SIDT1: variants seen among roughly 807,000 people sequenced by gnomAD.
SIDT1 encodes the protein SID1 transmembrane family, member 1.
In SIDT1, 101 loss-of-function variants were observed where a neutral mutation model predicts 107.5. The observed-to-expected ratio is 0.94, with a 90% CI of 0.80 to 1.11. The LOEUF (loss-of-function observed/expected upper bound fraction) is 1.11, where lower values mean the gene tolerates loss of function less well. SIDT1 is among the 50% of genes least tolerant of loss of function. The pLI, the probability that SIDT1 is intolerant of heterozygous loss-of-function variation, is 0.00. For missense variants in SIDT1, 1,076 were observed against 1,058.2 expected, an observed-to-expected ratio of 1.02 and a Z score of -0.23; for synonymous variants, 395 against 398.2, an observed-to-expected ratio of 0.99 and a Z score of 0.10.
intron 10 of SIDT1, among the ~76,000 whole-genome samples, chr3:113,595,600 A>G (rs558009095): frequency 8.1e-4 from 122 of 151,404 alleles, no homozygotes; most frequent in African/African-American, 2.8e-3. Context: ...AAGCCTCCAG[A>G]CATTGCCAAA....
At chr3:113,586,917 A>ACAACCAAAGACAATACCTGATCT (rs1943783500) in intron 9 of SIDT1, among the ~76,000 whole-genome samples, 2 of 152,256 alleles carry the variant, frequency 1.3e-5, no homozygotes, top group Non-Finnish European at 2.9e-5. Flanking sequence ...AAGATATGTT[A>ACAACCAAAGACAATACCTGATCT]CAACCAAAGA....
At chr3:113,601,527 T>G (rs1944958395) in intron 10 of SIDT1, 61 bp from the exon 11 acceptor site, 1 of 1,105,682 alleles carries the variant, frequency 9.0e-7, no homozygotes, top group Non-Finnish European at 1.4e-6. Context: ...CTACTTAGAA[T>G]AGTGTTGTTT....
chr3:113,583,296 G>A, intron 6 of SIDT1, 113 bp from the exon 7 acceptor site: 1 of 634,588 alleles, frequency 1.6e-6, no homozygotes, highest in Non-Finnish European at 2.7e-6. Context: ...AGAGGGCAGG[G>A]GTGAACTTTA....
In SIDT1 at chr3:113,627,770, A is replaced by G; in HGVS notation, c.*62A>G. On this transcript the variant is annotated 3_prime_UTR_variant, in exon 25 of 25. Transcript: ENST00000264852. Reference sequence around the variant, plus strand: ...CTTGGTGCTGTTTCACAAAAATTACAGTGACCACAGCAAAGTAACCACTGC... The same window carrying G: ...CTTGGTGCTGTTTCACAAAAATTACGGTGACCACAGCAAAGTAACCACTGC... 2 of 1,496,222 alleles carry G rather than the reference A, an allele frequency of 1.3e-6. No individual in the cohort carries two copies. The highest frequency in any genetic ancestry group is 1.9e-6 in the Non-Finnish European group (2 of 1,074,846). 92.7% of individuals were successfully genotyped at this position (1,496,222 alleles called of 1,614,324 possible).
chr3:113,583,609 C>T (rs1943527391), intron 7 of SIDT1, 113 bp downstream of exon 7: 1 of 651,550 alleles, frequency 1.5e-6, no homozygotes, highest in Admixed American at 2.8e-5. Context: ...GTTCCATCAT[C>T]ATGATGGGAA....
intron 1 of SIDT1, among the ~76,000 whole-genome samples, chr3:113,551,727 G>A (rs1178049309): frequency 6.6e-6 from 1 of 151,962 alleles, no homozygotes; most frequent in Non-Finnish European, 1.5e-5. Context: ...AAACTATAAA[G>A]TTGTCAAATT....
the SIDT1 span, among the ~76,000 whole-genome samples, chr3:113,636,130 C>A: frequency 1.3e-5 from 2 of 152,056 alleles, no homozygotes; most frequent in Admixed American, 6.6e-5. Flanking sequence ...GTGGGCCAGG[C>A]ACAGTGGCTT....
intron 18 of SIDT1, among the ~76,000 whole-genome samples, chr3:113,611,453 T>C (rs973552708): frequency 2.6e-5 from 4 of 152,152 alleles, no homozygotes; most frequent in African/African-American, 9.7e-5. Flanking sequence ...TGCCTCAGCC[T>C]CCTGAGTAGC....
chr3:113,563,556 C>T (rs548606061), intron 1 of SIDT1, among the ~76,000 whole-genome samples: 1 of 152,124 alleles, frequency 6.6e-6, no homozygotes, highest in Admixed American at 6.5e-5. Flanking sequence ...AATGACACTG[C>T]GGGGTGCAAT....
intron 23 of SIDT1, 129 bp from the exon 24 acceptor site, chr3:113,625,973 G>T (rs1946821757): frequency 1.4e-6 from 1 of 704,188 alleles, no homozygotes; most frequent in East Asian, 2.5e-5. Context: ...TGTGTGGATG[G>T]ATGTTTTCTT....
chr3:113,633,365 G>A (rs536475397), downstream of SIDT1, among the ~76,000 whole-genome samples: 1 of 152,286 alleles, frequency 6.6e-6, no homozygotes, highest in Non-Finnish European at 1.5e-5. Flanking sequence ...TCAAAGGCTA[G>A]AACCTTATAA....
intron 3 of SIDT1, among the ~76,000 whole-genome samples, chr3:113,571,412 A>T (rs913993545): frequency 1.1e-4 from 16 of 151,882 alleles, no homozygotes; most frequent in African/African-American, 3.6e-4. Context: ...ATGAGACCCC[A>T]TCTCTGCAAA....
chr3:113,578,761 A>C (rs1943111000), intron 4 of SIDT1, among the ~76,000 whole-genome samples: 1 of 152,210 alleles, frequency 6.6e-6, no homozygotes, highest in Non-Finnish European at 1.5e-5. Flanking sequence ...AGGCTGAGGC[A>C]GAAGGATCAC....
chr3:113,577,474 C>T (rs1211278515), intron 4 of SIDT1, among the ~76,000 whole-genome samples: 1 of 151,958 alleles, frequency 6.6e-6, no homozygotes, highest in African/African-American at 2.4e-5. Context: ...TTAGTTTCTC[C>T]TCTCATAAAG....
chr3:113,550,779 A>G (rs904553471), intron 1 of SIDT1, among the ~76,000 whole-genome samples: 2 of 152,212 alleles, frequency 1.3e-5, no homozygotes, highest in Admixed American at 1.3e-4. Context: ...TTTTAAGTTC[A>G]GGGGTATATG....
At chr3:113,601,448 G>A (rs1412609668) in intron 10 of SIDT1, 140 bp from the exon 11 acceptor site, 2 of 558,110 alleles carry the variant, frequency 3.6e-6, no homozygotes, top group East Asian at 6.3e-5. Context: ...ATGGGTCATA[G>A]TTTTGGTGAC....
rs897068244 is a variant in SIDT1 at position 113,584,633 on chromosome 3, G to C, written c.836-65G>C. 11 of 1,133,286 alleles carry C rather than the reference G, an allele frequency of 9.7e-6. No individual in the cohort carries two copies. The Admixed American group carries it at 1.9e-4, about 20-fold the overall frequency. The allele number at this position is 1,133,286 out of a possible 1,614,324, so 70.2% of individuals were successfully genotyped here. A position where few individuals can be genotyped will look rare whatever the true frequency, so the allele number is the denominator to read the frequency against. ...ATTTTTTGAACAACAGTTCAGACAA[G>C]AGACCAAAAAAAATCATTATCTGAT... is the stretch of plus-strand genomic sequence containing the variant. On this transcript the variant is annotated intron_variant, in intron 7 of 24. Coordinates refer to ENST00000264852, the MANE Select transcript of SIDT1 (RefSeq NM_017699.3).
At chr3:113,587,639 G>T (rs989275440) in intron 9 of SIDT1, among the ~76,000 whole-genome samples, 2 of 152,112 alleles carry the variant, frequency 1.3e-5, no homozygotes, top group East Asian at 3.8e-4. Context: ...CATGGCAGGC[G>T]CTCTAAGTAG....
intron 3 of SIDT1, among the ~76,000 whole-genome samples, chr3:113,572,547 G>T (rs191022680): frequency 1.7e-4 from 26 of 152,308 alleles, no homozygotes; most frequent in Admixed American, 1.5e-3. Flanking sequence ...TTCTAGAGAT[G>T]ACATGAGTGG....
Sources: gnomAD v4.1 joint callset for allele counts (sites outside exome capture counted in the v4.1 genomes callset) on GRCh38, gnomAD v4.1.1 for gene constraint, MANE v1.5 for transcripts, NCBI Gene and HGNC (gene_info 2026-07-23, HGNC 2026-07-21) for gene names.